The following MAP2K5 variants were observed in gnomAD, a reference collection of about 807,000 sequenced individuals.
MAP2K5 encodes dual specificity mitogen-activated protein kinase kinase 5.
Under a neutral mutation model 83.1 loss-of-function variants are expected in MAP2K5, and 49 were observed. The ratio of observed to expected loss-of-function variants is 0.59; its 90% CI spans 0.47 to 0.75. MAP2K5 has a LOEUF of 0.75. Ranked by LOEUF, MAP2K5 falls within the 30% of genes least tolerant of loss-of-function variation. MAP2K5 has a pLI of 0.00. For missense variants in MAP2K5, 457 were observed against 557.5 expected, an observed-to-expected ratio of 0.82 and a Z score of 1.82; for synonymous variants, 202 against 191.8, an observed-to-expected ratio of 1.05 and a Z score of -0.44.
intron 3 of MAP2K5, among the ~76,000 whole-genome samples, chr15:67,568,592 T>C (rs1177235067): frequency 6.6e-6 from 1 of 152,142 alleles, no homozygotes; most frequent in Non-Finnish European, 1.5e-5. Context: ...TTAAATAAGG[T>C]TTTTGTTTTG....
intron 8 of MAP2K5, among the ~76,000 whole-genome samples, chr15:67,619,911 A>G (rs891230797): frequency 1.3e-5 from 2 of 152,200 alleles, no homozygotes; most frequent in African/African-American, 4.8e-5. Context: ...GCAAAAAATA[A>G]AAGTAAAATT....
intron 11 of MAP2K5, among the ~76,000 whole-genome samples, chr15:67,647,151 T>A (rs1292507615): frequency 1.3e-5 from 2 of 152,188 alleles, no homozygotes; most frequent in African/African-American, 4.8e-5. Flanking sequence ...AAAACACAAC[T>A]TAAGAAAATA....
chr15:67,600,444 C>G (rs28675729), intron 7 of MAP2K5, among the ~76,000 whole-genome samples: 1,817 of 152,258 alleles, frequency 0.012, 48 homozygotes, highest in African/African-American at 0.041. Flanking sequence ...ATTTTGACAC[C>G]TTTTATCAAA....
At chr15:67,592,659 C>A (rs1379759572) in intron 6 of MAP2K5, among the ~76,000 whole-genome samples, 1 of 152,200 alleles carries the variant, frequency 6.6e-6, no homozygotes, top group Non-Finnish European at 1.5e-5. Flanking sequence ...ATAAAAATGT[C>A]ACTGAAGTAG....
intron 6 of MAP2K5, among the ~76,000 whole-genome samples, chr15:67,588,393 A>C (rs1056676558): frequency 2.0e-5 from 3 of 152,134 alleles, no homozygotes; most frequent in Non-Finnish European, 4.4e-5. Context: ...CCTGATTACT[A>C]CCCATCCCCA....
In MAP2K5 at chr15:67,688,126, GT is replaced by G. The variant is rs2088004213; in HGVS notation, c.848-4352del. 1.3e-5 allele frequency among the ~76,000 whole-genome samples: 2 copies of G among 152,240 alleles called. 1 individual carries two copies. The highest frequency in any genetic ancestry group is 4.1e-4 in the South Asian group (2 of 4,834). On this transcript the variant is annotated intron_variant, in intron 13 of 21. Coordinates refer to ENST00000178640, the MANE Select transcript of MAP2K5 (RefSeq NM_145160.3). ...GCCAGGGACAATTTGTGGAAGCATA[GT>G]AGTATTCCAGGGACACAGAGCCACA...
At chr15:67,549,333 C>A in intron 1 of MAP2K5, 1 of 773,856 alleles carries the variant, frequency 1.3e-6, no homozygotes, top group South Asian at 1.7e-5. Flanking sequence ...TTGTTGTAGG[C>A]TAGATTAACT....
At chr15:67,657,243 C>T (rs1477873193) in intron 11 of MAP2K5, among the ~76,000 whole-genome samples, 3 of 151,998 alleles carry the variant, frequency 2.0e-5, no homozygotes, top group Admixed American at 1.3e-4. Context: ...GATTTATATC[C>T]TTGGTAAAAG....
At chr15:67,582,631 G>A (rs118035854) in intron 4 of MAP2K5, among the ~76,000 whole-genome samples, 18,315 of 151,874 alleles carry the variant, frequency 0.12, 1,220 homozygotes, top group East Asian at 0.2. Context: ...ACCAGCTTGG[G>A]CAACATGTCA....
chr15:67,629,165 G>T, intron 8 of MAP2K5: 1 of 707,362 alleles, frequency 1.4e-6, no homozygotes, highest in Non-Finnish European at 2.6e-6. Flanking sequence ...CGTAGCAAAA[G>T]AGGAGAGCTA....
Position 67,637,910 on chromosome 15 carries a change from A to G in MAP2K5, c.585+6983A>G, listed in dbSNP as rs1186495821. ...ATGTCCAATGTCTGGAAGCCTGTTGATGTGTGTGTGAGTGTGTGTGTATGT... is the reference window on the plus strand; with the variant it reads ...ATGTCCAATGTCTGGAAGCCTGTTGGTGTGTGTGTGAGTGTGTGTGTATGT... On this transcript the variant is annotated intron_variant, in intron 9 of 21. Transcript: ENST00000178640. The surrounding 1 kb of genome is among the most constrained non-coding windows in gnomAD (Gnocchi z 4.5). 1.3e-5 allele frequency among the ~76,000 whole-genome samples: 2 copies of G among 150,510 alleles called. No homozygotes were observed. Among genetic ancestry groups the G allele is most frequent in the African/African-American group, 4.9e-5 (2 of 40,992 alleles).
At chr15:67,631,666 G>A (rs1487085291) in intron 9 of MAP2K5, among the ~76,000 whole-genome samples, 1 of 152,160 alleles carries the variant, frequency 6.6e-6, no homozygotes, top group Non-Finnish European at 1.5e-5. Flanking sequence ...TTGTTCCCAT[G>A]CAATTCATAA....
intron 16 of MAP2K5, among the ~76,000 whole-genome samples, chr15:67,707,001 C>T (rs546588216): frequency 2.0e-4 from 30 of 152,252 alleles, no homozygotes; most frequent in Admixed American, 1.0e-3. Context: ...CTGCAACCTC[C>T]GCCTCCCAGG....
At chr15:67,567,397 G>A (rs1668415166) in intron 3 of MAP2K5, among the ~76,000 whole-genome samples, 2 of 136,188 alleles carry the variant, frequency 1.5e-5, no homozygotes, top group Middle Eastern at 4.2e-3. Flanking sequence ...TCGCTCTGTC[G>A]CCCAGGCCGG....
At chr15:67,564,793 T>G (rs2084805834) in intron 3 of MAP2K5, among the ~76,000 whole-genome samples, 1 of 152,224 alleles carries the variant, frequency 6.6e-6, no homozygotes, top group Non-Finnish European at 1.5e-5. Flanking sequence ...ACAGATGGGT[T>G]CTAATTTTCT....
chr15:67,678,962 C>CAAAAAAAAAAA, intron 13 of MAP2K5, among the ~76,000 whole-genome samples: 1 of 115,960 alleles, frequency 8.6e-6, no homozygotes, highest in Non-Finnish European at 1.7e-5. Flanking sequence ...CACTGCATCT[C>CAAAAAAAAAAA]AAAAAAAAAA....
At chr15:67,635,594 G>A (rs754889936) in intron 9 of MAP2K5, among the ~76,000 whole-genome samples, 1 of 152,112 alleles carries the variant, frequency 6.6e-6, no homozygotes, top group Non-Finnish European at 1.5e-5. Flanking sequence ...TTTCCATCTA[G>A]TAGTATTTTC....
At chr15:67,635,832 A>G (rs1291687086) in intron 9 of MAP2K5, among the ~76,000 whole-genome samples, 1 of 151,966 alleles carries the variant, frequency 6.6e-6, no homozygotes, top group East Asian at 1.9e-4. Flanking sequence ...GTCATTTTAA[A>G]TCTTTGTTCC....
chr15:67,594,993 G>A (rs560415846), intron 7 of MAP2K5, among the ~76,000 whole-genome samples: 1 of 152,234 alleles, frequency 6.6e-6, no homozygotes, highest in African/African-American at 2.4e-5. Context: ...TGATAGGGAA[G>A]ATAAAAGTCA....
Sources: allele counts gnomAD v4.1 joint callset (sites outside exome capture counted in the v4.1 genomes callset), GRCh38; gene constraint gnomAD v4.1.1; non-coding constraint Gnocchi (gnomAD v3.1); transcripts MANE v1.5; gene names NCBI Gene and HGNC (gene_info 2026-07-23, HGNC 2026-07-21).